MAN1A2: variants seen among roughly 807,000 people sequenced by gnomAD.
MAN1A2 encodes the protein mannosyl-oligosaccharide 1,2-alpha-mannosidase IB.
MAN1A2 carries 26 observed loss-of-function variants against 75.7 expected under a neutral mutation model. The observed-to-expected ratio is 0.34, with a 90% CI of 0.25 to 0.48. The LOEUF is 0.48. Ranked by LOEUF, MAN1A2 falls within the 20% of genes least tolerant of loss-of-function variation. The pLI is 0.99. For missense variants in MAN1A2, 562 were observed against 775.5 expected (o/e 0.72, Z 3.27); for synonymous variants, 247 against 264.6 (o/e 0.93, Z 0.65).
intron 11 of MAN1A2, among the ~76,000 whole-genome samples, chr1:117,500,650 G>C (rs1207850505): frequency 1.3e-5 from 2 of 151,826 alleles, no homozygotes; most frequent in African/African-American, 4.8e-5. Context: ...AACAATAAGA[G>C]CATATTAATG....
At chr1:117,445,882 G>GTATATATATATATATATATATATATA (rs1224175021) in intron 6 of MAN1A2, among the ~76,000 whole-genome samples, 1 of 134,862 alleles carries the variant, frequency 7.4e-6, no homozygotes, top group African/African-American at 2.6e-5. Flanking sequence ...GTCTGTGTGT[G>GTATATATATATATATATATATATATA]TGTATATATA....
At chr1:117,439,288 A>G (rs1648949455) in intron 5 of MAN1A2, among the ~76,000 whole-genome samples, 1 of 152,128 alleles carries the variant, frequency 6.6e-6, no homozygotes, top group African/African-American at 2.4e-5. Flanking sequence ...TTGCTCTGAG[A>G]TAGGGAGCCA....
chr1:117,381,743 TC>T (rs1653348024), intron 1 of MAN1A2, among the ~76,000 whole-genome samples: 1 of 152,008 alleles, frequency 6.6e-6, no homozygotes, highest in South Asian at 2.1e-4. Flanking sequence ...TAGTTCTAGA[TC>T]CCTGAGGAAT....
chr1:117,374,940 A>T (rs534103734), intron 1 of MAN1A2, among the ~76,000 whole-genome samples: 1 of 152,220 alleles, frequency 6.6e-6, no homozygotes, highest in South Asian at 2.1e-4. Context: ...ATTTATTTAC[A>T]TAATATTATT....
At chr1:117,368,929 C>T (rs1652863904) in intron 1 of MAN1A2, among the ~76,000 whole-genome samples, 1 of 152,154 alleles carries the variant, frequency 6.6e-6, no homozygotes, top group South Asian at 2.1e-4. Context: ...TCCCAGAGGG[C>T]TCTCGTTTTC....
At chr1:117,492,074 G>C (rs181533914) in intron 8 of MAN1A2, among the ~76,000 whole-genome samples, 2 of 152,172 alleles carry the variant, frequency 1.3e-5, no homozygotes, top group Admixed American at 6.6e-5. Context: ...AGAATACTAC[G>C]TAAATTTAGT....
chr1:117,436,314 C>T (rs979026190), intron 5 of MAN1A2, among the ~76,000 whole-genome samples: 20 of 152,126 alleles, frequency 1.3e-4, no homozygotes, highest in East Asian at 3.9e-4. Flanking sequence ...AAGGGGTATC[C>T]GAAGCTGAAA....
intron 5 of MAN1A2, among the ~76,000 whole-genome samples, chr1:117,429,741 G>A (rs1165679294): frequency 4.5e-5 from 5 of 110,038 alleles, no homozygotes; most frequent in East Asian, 2.8e-4. Flanking sequence ...CGGACGGGGC[G>A]GCTGGCCGGG....
chr1:117,502,103 T>C (rs1278687476), intron 11 of MAN1A2, among the ~76,000 whole-genome samples: 5 of 151,790 alleles, frequency 3.3e-5, no homozygotes, highest in East Asian at 1.9e-4. Context: ...AGTCAAGCAG[T>C]AAAGCACAGT....
intron 8 of MAN1A2, among the ~76,000 whole-genome samples, chr1:117,479,187 T>C (rs548249092): frequency 6.6e-6 from 1 of 151,864 alleles, no homozygotes; most frequent in Non-Finnish European, 1.5e-5. Flanking sequence ...TGGTTTTCTG[T>C]TCCTGTATAG....
chr1:117,450,777 C>T (rs1028245979), intron 6 of MAN1A2, among the ~76,000 whole-genome samples: 2 of 152,178 alleles, frequency 1.3e-5, no homozygotes, highest in Admixed American at 6.5e-5. Flanking sequence ...TTGAGCCTGC[C>T]AGTGCACAGA....
intron 4 of MAN1A2, among the ~76,000 whole-genome samples, chr1:117,419,811 C>T (rs1287936074): frequency 6.6e-6 from 1 of 151,776 alleles, no homozygotes; most frequent in Non-Finnish European, 1.5e-5. Flanking sequence ...ATCTGTTTGC[C>T]ATTTAGTTTT....
intron 9 of MAN1A2, among the ~76,000 whole-genome samples, chr1:117,495,637 C>G (rs1270408559): frequency 6.6e-6 from 1 of 151,718 alleles, no homozygotes; most frequent in African/African-American, 2.4e-5. Flanking sequence ...GCTTGGATAT[C>G]TTTTAATTGT....
At chr1:117,435,009 G>T (rs532116933) in intron 5 of MAN1A2, among the ~76,000 whole-genome samples, 3 of 151,902 alleles carry the variant, frequency 2.0e-5, no homozygotes, top group Non-Finnish European at 4.4e-5. Context: ...TTGATGGTAC[G>T]ATAGTTATTA....
intron 5 of MAN1A2, among the ~76,000 whole-genome samples, chr1:117,427,885 A>G (rs538408241): frequency 6.6e-6 from 1 of 152,338 alleles, no homozygotes; most frequent in South Asian, 2.1e-4. Flanking sequence ...TAACATACAT[A>G]GATGTAATAC....
At chr1:117,396,905 T>G (rs1653919099) in intron 1 of MAN1A2, among the ~76,000 whole-genome samples, 1 of 151,994 alleles carries the variant, frequency 6.6e-6, no homozygotes, top group African/African-American at 2.4e-5. Context: ...TGTTTTCCTA[T>G]CTCTGTTAAT....
At chr1:117,431,209 GAGGGGGA>G (rs1648644616) in intron 5 of MAN1A2, among the ~76,000 whole-genome samples, 1 of 34,688 alleles carries the variant, frequency 2.9e-5, no homozygotes, top group African/African-American at 9.7e-5. Flanking sequence ...GGGGGAGGGG[GAGGGGGA>G]GGGGGAGGGG....
chr1:117,421,315 G>C (rs536156530), intron 5 of MAN1A2, among the ~76,000 whole-genome samples: 2 of 152,160 alleles, frequency 1.3e-5, no homozygotes, highest in South Asian at 2.1e-4. Flanking sequence ...CAATTTGTAA[G>C]AGCTCTTTGT....
At chr1:117,485,353 A>T (rs1384693704) in intron 8 of MAN1A2, among the ~76,000 whole-genome samples, 1 of 151,968 alleles carries the variant, frequency 6.6e-6, no homozygotes, top group Non-Finnish European at 1.5e-5. Flanking sequence ...CTATAACGTC[A>T]CCACTGTGGC....
Sources: allele counts gnomAD v4.1 joint callset (sites outside exome capture counted in the v4.1 genomes callset), GRCh38; gene constraint gnomAD v4.1.1; transcripts MANE v1.5; gene names NCBI Gene and HGNC (gene_info 2026-07-23, HGNC 2026-07-21).